The following DLGAP2 variants were observed in gnomAD, a reference collection of about 807,000 sequenced individuals.
DLGAP2 encodes disks large-associated protein 2.
A neutral mutation model predicts 100.3 loss-of-function variants in DLGAP2; 26 were observed. The ratio of observed to expected loss-of-function variants is 0.26; its 90% CI spans 0.19 to 0.36. The LOEUF is 0.36. Among genes scored for constraint, DLGAP2 ranks in the 10% least tolerant of loss-of-function variants. The pLI, the probability that DLGAP2 is intolerant of heterozygous loss-of-function variation, is 1.00. For synonymous variants in DLGAP2, 886 were observed against 630.1 expected (o/e 1.41, Z -6.08); for missense variants, 1,858 against 1,453.2 (o/e 1.28, Z -4.53).
intron 3 of DLGAP2, among the ~76,000 whole-genome samples, chr8:1,282,802 G>T: frequency 1.6e-5 from 1 of 63,422 alleles, no homozygotes; most frequent in South Asian, 6.3e-4. Context: ...AGCCCAGCAC[G>T]TGAACCATCT....
chr8:760,462 T>G (rs1044748375), intron 1 of DLGAP2, among the ~76,000 whole-genome samples: 4 of 152,170 alleles, frequency 2.6e-5, no homozygotes, highest in African/African-American at 9.6e-5. Context: ...TTCCTAAAGT[T>G]TCTCATCTTG....
At chr8:946,938 C>T (rs539070334) in intron 2 of DLGAP2, among the ~76,000 whole-genome samples, 29 of 152,302 alleles carry the variant, frequency 1.9e-4, no homozygotes, top group Non-Finnish European at 2.9e-4. Flanking sequence ...GTCCTGCTGC[C>T]GGGGTTGCGC....
intron 2 of DLGAP2, among the ~76,000 whole-genome samples, chr8:970,675 T>A (rs1216247585): frequency 3.3e-5 from 5 of 152,346 alleles, no homozygotes; most frequent in Admixed American, 3.3e-4. Flanking sequence ...GTGTTCTGTG[T>A]CCTTAGAGAC....
chr8:1,386,769 G>A (rs927772810), intron 3 of DLGAP2, among the ~76,000 whole-genome samples: 7 of 152,032 alleles, frequency 4.6e-5, no homozygotes, highest in African/African-American at 1.2e-4. Context: ...CATAGAATGC[G>A]GCAAGAAGGT....
At chr8:1,628,958 C>T (rs1797578060) in intron 7 of DLGAP2, among the ~76,000 whole-genome samples, 1 of 152,346 alleles carries the variant, frequency 6.6e-6, no homozygotes, top group East Asian at 1.9e-4. Flanking sequence ...GCAAAGAGTC[C>T]AGCATATACT....
At chr8:1,273,600 A>C (rs1046455489) in intron 3 of DLGAP2, among the ~76,000 whole-genome samples, 1 of 152,202 alleles carries the variant, frequency 6.6e-6, no homozygotes. Flanking sequence ...GTGCAGAGGC[A>C]GCTCCATCCT....
intron 3 of DLGAP2, among the ~76,000 whole-genome samples, chr8:1,390,275 A>C (rs542727158): frequency 4.6e-5 from 7 of 152,090 alleles, no homozygotes; most frequent in Non-Finnish European, 8.8e-5. Flanking sequence ...AAGGCGCAGA[A>C]ATGTGTCTGT....
intron 3 of DLGAP2, among the ~76,000 whole-genome samples, chr8:1,447,470 CT>C (rs1175034882): frequency 6.6e-6 from 1 of 152,190 alleles, no homozygotes; most frequent in Non-Finnish European, 1.5e-5. Context: ...TTTTGATGTG[CT>C]GCTGGATTCG....
intron 3 of DLGAP2, among the ~76,000 whole-genome samples, chr8:1,355,033 A>C (rs112660496): frequency 2.5e-4 from 38 of 151,066 alleles, no homozygotes; most frequent in East Asian, 2.0e-3. Flanking sequence ...GATGCTGTGG[A>C]TGAGGGTGGA....
chr8:828,115 A>T (rs962566943), intron 1 of DLGAP2, among the ~76,000 whole-genome samples: 6 of 152,348 alleles, frequency 3.9e-5, no homozygotes, highest in South Asian at 2.1e-4. Context: ...ACAGGACCAC[A>T]GGACCGAAGC....
intron 4 of DLGAP2, among the ~76,000 whole-genome samples, chr8:1,507,335 T>G (rs1440245521): frequency 6.6e-6 from 1 of 152,140 alleles, no homozygotes; most frequent in Admixed American, 6.5e-5. Context: ...AGATTTGGCG[T>G]GCAGCGCCGG....
chr8:1,147,810 G>T (rs1044583109), intron 2 of DLGAP2, among the ~76,000 whole-genome samples: 12 of 151,930 alleles, frequency 7.9e-5, no homozygotes, highest in Middle Eastern at 3.4e-3. Flanking sequence ...ATTGATTTCT[G>T]AATCATAAAT....
chr8:994,902 A>T (rs1217673981), intron 2 of DLGAP2, among the ~76,000 whole-genome samples: 23 of 152,224 alleles, frequency 1.5e-4, no homozygotes, highest in Admixed American at 1.5e-3. Context: ...TGACCTAGGA[A>T]ATAGAATGTC....
At chr8:793,304 G>A (rs937704148) in intron 1 of DLGAP2, among the ~76,000 whole-genome samples, 10 of 152,148 alleles carry the variant, frequency 6.6e-5, no homozygotes, top group African/African-American at 1.4e-4. Context: ...CTTTAAAACC[G>A]CTGCCTTCTA....
At chr8:785,376 A>G (rs1821818557) in intron 1 of DLGAP2, among the ~76,000 whole-genome samples, 1 of 151,520 alleles carries the variant, frequency 6.6e-6, no homozygotes, top group Non-Finnish European at 1.5e-5. Context: ...CCTGCACCTC[A>G]TGCCCCTCTG....
At chr8:745,235 T>C (rs766878204) in intron 1 of DLGAP2, among the ~76,000 whole-genome samples, 7 of 152,260 alleles carry the variant, frequency 4.6e-5, no homozygotes, top group Non-Finnish European at 1.0e-4. Context: ...TTTGACATTC[T>C]GAGCAAATTT....
chr8:1,135,282 C>T (rs1433011291), intron 2 of DLGAP2, among the ~76,000 whole-genome samples: 1 of 152,034 alleles, frequency 6.6e-6, no homozygotes, highest in East Asian at 1.9e-4. Context: ...AAACCTTTGT[C>T]CCCAAATCCA....
At chr8:871,152 G>A (rs971806936) in intron 1 of DLGAP2, among the ~76,000 whole-genome samples, 2 of 152,200 alleles carry the variant, frequency 1.3e-5, no homozygotes, top group African/African-American at 2.4e-5. Flanking sequence ...TTATGCCACC[G>A]TTGGGTGCCG....
chr8:1,701,738 C>T lies in DLGAP2; in HGVS notation c.*332C>T. 5.5e-6 allele frequency: 2 copies of T among 363,920 alleles called. No individual in the cohort carries two copies. The highest frequency in any genetic ancestry group is 4.9e-6 in the Non-Finnish European group (1 of 204,594). The allele number at this position is 363,920 out of a possible 1,614,324, so 22.5% of individuals were successfully genotyped here. A position where few individuals can be genotyped will look rare whatever the true frequency, so the allele number is the denominator to read the frequency against. On this transcript the variant is annotated 3_prime_UTR_variant, in exon 15 of 15. Coordinates refer to ENST00000637795, the MANE Select transcript of DLGAP2 (RefSeq NM_001346810.2). ...GCCTCTGGAGCTGGAACCCAGCTTA[C>T]ATTTTGTTATTTCTATTTTTATAAA...
Sources: allele counts gnomAD v4.1 joint callset (sites outside exome capture counted in the v4.1 genomes callset), GRCh38; gene constraint gnomAD v4.1.1; transcripts MANE v1.5; gene names NCBI Gene and HGNC (gene_info 2026-07-23, HGNC 2026-07-21).